The following TTC28 variants were observed in gnomAD, a reference collection of about 807,000 sequenced individuals.
TTC28 encodes the protein tetratricopeptide repeat domain 28.
TTC28 carries 61 observed loss-of-function variants against 198.0 expected under a neutral mutation model. The ratio of observed to expected loss-of-function variants is 0.31; its 90% CI spans 0.25 to 0.38. The LOEUF is 0.38. TTC28 is among the 10% of genes least tolerant of loss of function. The probability of loss-of-function intolerance (pLI) is 1.00; values close to 1 mark genes in which losing one functional copy is unlikely to be tolerated. For missense variants in TTC28, 2,678 were observed against 3,164.0 expected (o/e 0.85, Z 3.69); for synonymous variants, 1,171 against 1,297.8 (o/e 0.90, Z 2.10).
intron 5 of TTC28, among the ~76,000 whole-genome samples, chr22:28,276,965 G>A (rs1364134103): frequency 1.3e-5 from 2 of 151,392 alleles, no homozygotes; most frequent in African/African-American, 4.9e-5. Context: ...GATTTGCCTA[G>A]GCAAGCCTCC....
intron 12 of TTC28, among the ~76,000 whole-genome samples, chr22:28,047,009 A>T (rs1353981916): frequency 6.6e-6 from 1 of 152,156 alleles, no homozygotes; most frequent in Non-Finnish European, 1.5e-5. Flanking sequence ...CTCCACCTAG[A>T]TCAGTGGTCA....
chr22:28,576,999 T>C (rs1319012253), intron 2 of TTC28, among the ~76,000 whole-genome samples: 1 of 152,084 alleles, frequency 6.6e-6, no homozygotes, highest in Non-Finnish European at 1.5e-5. Flanking sequence ...ATTATTTCTT[T>C]TCTTCTACTA....
intron 6 of TTC28, among the ~76,000 whole-genome samples, chr22:28,136,519 G>C (rs1458059745): frequency 2.0e-5 from 3 of 152,082 alleles, no homozygotes; most frequent in Admixed American, 2.0e-4. Context: ...ATTGGCACTG[G>C]CCTACACTTG....
chr22:28,650,634 A>G (rs558248135), intron 1 of TTC28, among the ~76,000 whole-genome samples: 46 of 152,368 alleles, frequency 3.0e-4, no homozygotes, highest in African/African-American at 9.9e-4. Context: ...CTAGGAATGC[A>G]TAATTAATGC....
At chr22:28,140,959 G>T (rs1943317628) in intron 6 of TTC28, among the ~76,000 whole-genome samples, 1 of 151,794 alleles carries the variant, frequency 6.6e-6, no homozygotes, top group Admixed American at 6.6e-5. Flanking sequence ...GGAGGAGGAG[G>T]AAGAAAAGGA....
intron 2 of TTC28, among the ~76,000 whole-genome samples, chr22:28,498,277 A>C (rs2048485335): frequency 6.6e-6 from 1 of 152,218 alleles, no homozygotes; most frequent in Non-Finnish European, 1.5e-5. Flanking sequence ...AACCCTATAG[A>C]GGTAACATGA....
intron 12 of TTC28, among the ~76,000 whole-genome samples, chr22:28,048,662 T>C (rs1939962464): frequency 6.6e-6 from 1 of 152,080 alleles, no homozygotes; most frequent in African/African-American, 2.4e-5. Context: ...TAGAGGACAG[T>C]GCAGAGTCTG....
chr22:28,009,152 C>A (rs1021262314), intron 14 of TTC28, among the ~76,000 whole-genome samples: 1 of 152,184 alleles, frequency 6.6e-6, no homozygotes, highest in Non-Finnish European at 1.5e-5. Context: ...GACATGCTCA[C>A]CCCATCCTGA....
Position 28,030,260 on chromosome 22 carries a change from G to C in TTC28, c.4039C>G (p.Leu1347Val). 2 of 1,551,778 alleles carry C rather than the reference G, an allele frequency of 1.3e-6. No homozygotes were observed. Among genetic ancestry groups the C allele is most frequent in the South Asian group, 2.4e-5 (2 of 84,070 alleles). The stretch of plus-strand genomic sequence containing the variant: ...AGGTTATTGCGGCGAACCATCCGCA[G>C]AAAGCCAGTGGGGTCAGTGACCGAG... ...LNSVTDPTGF[L>V]RMVRRNNLFN... Residue 1347 changes from leucine to valine, a missense_variant, in exon 13 of 23, where the codon CTG becomes GTG. By Grantham distance (32) the Leu-to-Val change is conservative (BLOSUM62 1). This residue lies in a region of TTC28 where 727 missense variants were observed against 861.9 expected (regional missense o/e 0.84). Coordinates refer to ENST00000397906, the MANE Select transcript of TTC28 (RefSeq NM_001145418.2).
At chr22:28,128,325 CA>C (rs201484974) in intron 6 of TTC28, among the ~76,000 whole-genome samples, 4 of 146,076 alleles carry the variant, frequency 2.7e-5, no homozygotes, top group Non-Finnish European at 6.1e-5. Flanking sequence ...CTCAAAAAAA[CA>C]AAAAAAAAAG....
intron 8 of TTC28, among the ~76,000 whole-genome samples, chr22:28,103,108 G>A (rs965198102): frequency 1.3e-5 from 2 of 152,200 alleles, no homozygotes; most frequent in African/African-American, 4.8e-5. Context: ...GACTCTAGCT[G>A]AGGTTCAACA....
At chr22:28,332,222 T>C (rs2045627516) in intron 2 of TTC28, among the ~76,000 whole-genome samples, 1 of 152,106 alleles carries the variant, frequency 6.6e-6, no homozygotes. Context: ...ATTAATTTTT[T>C]AATAAGCTCT....
chr22:28,262,301 C>A (rs1931377475), intron 5 of TTC28, among the ~76,000 whole-genome samples: 1 of 152,174 alleles, frequency 6.6e-6, no homozygotes, highest in Non-Finnish European at 1.5e-5. Flanking sequence ...CACAACCCTA[C>A]AGCCATTTAT....
At chr22:28,207,017 T>C (rs1238645331) in intron 5 of TTC28, among the ~76,000 whole-genome samples, 2 of 152,094 alleles carry the variant, frequency 1.3e-5, no homozygotes, top group African/African-American at 4.8e-5. Flanking sequence ...CTGGATAATA[T>C]AAAATGTTAT....
At chr22:28,324,814 CT>C (rs1178035465) in intron 2 of TTC28, among the ~76,000 whole-genome samples, 1 of 152,156 alleles carries the variant, frequency 6.6e-6, no homozygotes, top group Admixed American at 6.5e-5. Flanking sequence ...GAAGCATTCC[CT>C]TTGAAAACTG....
Position 28,166,437 on chromosome 22 carries a change from C to G in TTC28, c.934-2838G>C, listed in dbSNP as rs1921966153. 1.3e-5 allele frequency among the ~76,000 whole-genome samples: 2 copies of G among 152,214 alleles called. 1 individual carries two copies. Among genetic ancestry groups the G allele is most frequent in the South Asian group, 4.1e-4 (2 of 4,828 alleles). ...ACATGGTTGGAAGTAAAGCACTCCT[C>G]AGCAAATGTAAAAGAACACAAATTA... On this transcript the variant is annotated intron_variant, in intron 5 of 22. Coordinates refer to ENST00000397906, the MANE Select transcript of TTC28 (RefSeq NM_001145418.2).
intron 2 of TTC28, among the ~76,000 whole-genome samples, chr22:28,320,034 C>T (rs1472256820): frequency 1.3e-5 from 2 of 151,988 alleles, no homozygotes; most frequent in Non-Finnish European, 2.9e-5. Flanking sequence ...GCTTTAATTC[C>T]CATGTTTTTG....
At chr22:28,612,698 T>G (rs756447593) in intron 2 of TTC28, among the ~76,000 whole-genome samples, 1 of 152,074 alleles carries the variant, frequency 6.6e-6, no homozygotes, top group African/African-American at 2.4e-5. Flanking sequence ...ACCACACAAC[T>G]ACATGGAAAC....
In TTC28 at chr22:28,475,149, CAAAAAAAAAA is replaced by C. The variant is rs386395148; in HGVS notation, c.381+154393_381+154402del. On this transcript the variant is annotated intron_variant, in intron 2 of 22. Transcript: ENST00000397906. Reference sequence around the variant, plus strand: ...TGGGTGACAGAGCGAGACTCCATCTCAAAAAAAAAAAAAAAAAAAAAAAGAAAGAAAAGAA... The same window carrying C: ...TGGGTGACAGAGCGAGACTCCATCTCAAAAAAAAAAAAAGAAAGAAAAGAA... Among the ~76,000 whole-genome samples, 489 of 65,028 alleles carry C rather than the reference CAAAAAAAAAA, an allele frequency of 7.5e-3. 9 individuals carry two copies. The highest frequency in any genetic ancestry group is 5.0e-3 in the Non-Finnish European group (181 of 36,376). The allele number at this position is 65,028 out of a possible 152,430, so 42.7% of individuals were successfully genotyped here.
Sources: allele counts gnomAD v4.1 joint callset (sites outside exome capture counted in the v4.1 genomes callset), GRCh38; gene constraint gnomAD v4.1.1; regional missense constraint gnomAD v4.1.1; transcripts MANE v1.5; gene names NCBI Gene and HGNC (gene_info 2026-07-23, HGNC 2026-07-21).